The following MARK3 variants were observed in gnomAD, a reference collection of about 807,000 sequenced individuals.
MARK3 encodes the protein MAP/microtubule affinity-regulating kinase 3.
Under a neutral mutation model 90.1 loss-of-function variants are expected in MARK3, and 46 were observed. The ratio of observed to expected loss-of-function variants is 0.51; its 90% CI spans 0.40 to 0.65. The LOEUF is 0.65. Ranked by LOEUF, MARK3 falls within the 30% of genes least tolerant of loss-of-function variation. The probability of loss-of-function intolerance (pLI) is 0.00; values close to 1 mark genes in which losing one functional copy is unlikely to be tolerated. For synonymous variants in MARK3, 321 were observed against 332.6 expected, an observed-to-expected ratio of 0.97 and a Z score of 0.38; for missense variants, 818 against 947.2, an observed-to-expected ratio of 0.86 and a Z score of 1.79.
intron 14 of MARK3, among the ~76,000 whole-genome samples, chr14:103,483,731 T>C (rs2093869692): frequency 6.6e-6 from 1 of 152,224 alleles, no homozygotes; most frequent in African/African-American, 2.4e-5. Context: ...CACTTTCTGC[T>C]GTAATTATTC....
intron 15 of MARK3, among the ~76,000 whole-genome samples, chr14:103,496,417 C>CTT (rs34504040): frequency 1.0e-3 from 147 of 145,918 alleles, no homozygotes; most frequent in African/African-American, 1.6e-3. Flanking sequence ...CCCATCTCTA[C>CTT]TTTTTTTTTT....
chr14:103,496,066 C>G (rs867274693), intron 15 of MARK3, among the ~76,000 whole-genome samples: 1 of 152,170 alleles, frequency 6.6e-6, no homozygotes, highest in Non-Finnish European at 1.5e-5. Context: ...TCAGGCCTGG[C>G]CTTGCTCAGA....
At chr14:103,469,141 CTTT>C (rs1246569202) in intron 12 of MARK3, 1 of 151,360 alleles carries the variant, frequency 6.6e-6, no homozygotes, top group Non-Finnish European at 1.5e-5. Flanking sequence ...TGATTTTTAC[CTTT>C]TTTATTTCTA....
chr14:103,428,800 T>C (rs1377415695), intron 3 of MARK3, among the ~76,000 whole-genome samples: 1 of 152,210 alleles, frequency 6.6e-6, no homozygotes, highest in African/African-American at 2.4e-5. Flanking sequence ...TTGTGCAAAT[T>C]TGTACCTTAT....
chr14:103,404,220 AAGAC>A (rs1236618759), intron 1 of MARK3, among the ~76,000 whole-genome samples: 1 of 152,228 alleles, frequency 6.6e-6, no homozygotes. Context: ...TATATAGAGA[AAGAC>A]AGGACATTTT....
chr14:103,442,983 A>G (rs991274396), intron 3 of MARK3, among the ~76,000 whole-genome samples: 1 of 149,266 alleles, frequency 6.7e-6, no homozygotes, highest in African/African-American at 2.5e-5. Flanking sequence ...AAGAGAGGCA[A>G]TGAAATAGAT....
rs11455556 is a variant in MARK3 at position 103,399,925 on chromosome 14, C to CA, written c.52-5151_52-5150insA. Among the ~76,000 whole-genome samples the CA allele has an allele frequency of 1.8e-4, 6 of 33,208 alleles. No individual in the cohort carries two copies. In the Admixed American group the frequency reaches 3.3e-3, roughly 18 times the overall value. 21.8% of individuals were successfully genotyped at this position (33,208 alleles called of 152,430 possible). A position where few individuals can be genotyped will look rare whatever the true frequency, so the allele number is the denominator to read the frequency against. Reference sequence around the variant, plus strand: ...AACTGTACTGGCAACTCTGTCCTTACCCCCCCACCCTCCTTTTTTTTTTTT... The same window carrying CA: ...AACTGTACTGGCAACTCTGTCCTTACACCCCCCACCCTCCTTTTTTTTTTTT... On this transcript the variant is annotated intron_variant, in intron 1 of 17. Coordinates refer to ENST00000429436, the MANE Select transcript of MARK3 (RefSeq NM_001128918.3).
intron 6 of MARK3, among the ~76,000 whole-genome samples, chr14:103,460,084 T>TTC (rs2093367057): frequency 8.9e-6 from 1 of 112,144 alleles, no homozygotes; most frequent in Admixed American, 9.4e-5. Context: ...TTTTTTTTTT[T>TTC]TTTTTTTTTT....
At chr14:103,458,614 C>A in intron 6 of MARK3, 1 of 511,948 alleles carries the variant, frequency 2.0e-6, no homozygotes. Flanking sequence ...AGGAAAGGAG[C>A]AGTGCTTCAC....
At chr14:103,500,027 GGTGTTTAAAAC>G (rs2142141517) in intron 16 of MARK3, 118 bp from the exon 17 acceptor site, 1 of 732,274 alleles carries the variant, frequency 1.4e-6, no homozygotes, top group South Asian at 1.5e-5. Context: ...AAGCCCGGCT[GGTGTTTAAAAC>G]GTGTTTTGGC....
At position 103,467,291 on chromosome 14, in the gene MARK3, A is replaced by G. The variant is rs951856422; in HGVS notation, c.1110+100A>G. On this transcript the variant is annotated intron_variant, in intron 11 of 17. Coordinates refer to ENST00000429436, the MANE Select transcript of MARK3 (RefSeq NM_001128918.3). ...ATCTTTTGAATATTTGTAACATTTG[A>G]TACATCATTTTTTAGATTTACTTGC... The G allele has an allele frequency of 3.5e-5, 20 of 566,362 alleles. No homozygotes were observed. In the South Asian group the frequency reaches 5.2e-4, roughly 15 times the overall value. 35.1% of individuals were successfully genotyped at this position (566,362 alleles called of 1,614,324 possible).
rs1348042954 is a variant in MARK3, at chr14:103,409,294, T to C, written c.243+4027T>C. 1.4e-4 allele frequency among the ~76,000 whole-genome samples: 21 copies of C among 151,732 alleles called. 1 individual carries two copies. Among genetic ancestry groups the C allele is most frequent in the Admixed American group, 1.4e-3 (21 of 15,194 alleles). On this transcript the variant is annotated intron_variant, in intron 2 of 17. Transcript: ENST00000429436. ...GGGGAACATCACACACCAGGGCCTG[T>C]CGGGGTGAGGGGCAAGGGGAGGGAT...
chr14:103,503,419 A>T lies in MARK3; in HGVS notation c.*192A>T, dbSNP rs993319995. ...GAATGCACTACATTAAAGATGTGCA[A>T]CCTATGCGCCCCCTGCCCTACTTCC... On this transcript the variant is annotated 3_prime_UTR_variant, in exon 18 of 18. Transcript: ENST00000429436. The T allele has an allele frequency of 3.0e-5, 18 of 592,400 alleles. 1 individual carries two copies. Among genetic ancestry groups the T allele is most frequent in the African/African-American group, 2.6e-4 (14 of 53,662 alleles). 36.7% of individuals were successfully genotyped at this position (592,400 alleles called of 1,614,324 possible).
chr14:103,470,108 T>C (rs1197291196), intron 12 of MARK3, among the ~76,000 whole-genome samples: 1 of 151,944 alleles, frequency 6.6e-6, no homozygotes. Flanking sequence ...TAGCCAGTTG[T>C]GGCCAGTAAC....
At position 103,385,920 on chromosome 14, in the gene MARK3, A is replaced by C; in HGVS notation, c.-110A>C. On this transcript the variant is annotated 5_prime_UTR_variant, in exon 1 of 18. Coordinates refer to ENST00000429436, the MANE Select transcript of MARK3 (RefSeq NM_001128918.3). Reference sequence around the variant, plus strand: ...TAGGGGGAAGGGAGCCGCCCTCCCCACGGCGCCTTTTCGGAACTGCCGTGG... The same window carrying C: ...TAGGGGGAAGGGAGCCGCCCTCCCCCCGGCGCCTTTTCGGAACTGCCGTGG... 1 of 850,134 alleles carries C rather than the reference A, an allele frequency of 1.2e-6. No homozygotes were observed. The highest frequency in any genetic ancestry group is 2.0e-6 in the Non-Finnish European group (1 of 496,950). 52.7% of individuals were successfully genotyped at this position (850,134 alleles called of 1,614,324 possible).
At chr14:103,480,584 A>G in intron 14 of MARK3, 94 bp downstream of exon 14, 2 of 719,374 alleles carry the variant, frequency 2.8e-6, no homozygotes, top group East Asian at 2.7e-5. Context: ...TCATTTTCAA[A>G]TTAAAACTGT....
intron 6 of MARK3, among the ~76,000 whole-genome samples, 172 bp from the exon 7 acceptor site, chr14:103,462,233 T>C (rs555481824): frequency 6.6e-6 from 1 of 152,298 alleles, no homozygotes; most frequent in South Asian, 2.1e-4. Flanking sequence ...CCCTCACCCA[T>C]GAATTTCTCC....
intron 3 of MARK3, among the ~76,000 whole-genome samples, chr14:103,430,957 C>T (rs2092564423): frequency 6.6e-6 from 1 of 152,180 alleles, no homozygotes; most frequent in Non-Finnish European, 1.5e-5. Flanking sequence ...ACTTTAGCCT[C>T]CCAAGTAGCT....
intron 12 of MARK3, among the ~76,000 whole-genome samples, chr14:103,470,329 C>T (rs1467280661): frequency 6.6e-6 from 1 of 152,108 alleles, no homozygotes; most frequent in Non-Finnish European, 1.5e-5. Flanking sequence ...GTTGCTCTGC[C>T]TTCAAGGCAG....
Sources: allele counts gnomAD v4.1 joint callset (sites outside exome capture counted in the v4.1 genomes callset), GRCh38; gene constraint gnomAD v4.1.1; transcripts MANE v1.5; gene names NCBI Gene and HGNC (gene_info 2026-07-23, HGNC 2026-07-21).